Variants in MSRB2 observed in about 807,000 individuals in gnomAD.
The protein encoded by MSRB2 is methionine sulfoxide reductase B2.
Under a neutral mutation model 19.0 loss-of-function variants are expected in MSRB2, and 17 were observed. That is an observed-to-expected ratio of 0.89 (90% confidence interval 0.61 to 1.34). The LOEUF (loss-of-function observed/expected upper bound fraction) is 1.34. Among genes scored for constraint, MSRB2 ranks in the 40% most tolerant of loss-of-function variants. The pLI is 0.00. For missense variants in MSRB2, 208 were observed against 237.6 expected, an observed-to-expected ratio of 0.88 and a Z score of 0.82; for synonymous variants, 107 against 99.7, an observed-to-expected ratio of 1.07 and a Z score of -0.44.
intron 3 of MSRB2, among the ~76,000 whole-genome samples, chr10:23,112,091 C>T (rs180706016): frequency 1.7e-4 from 26 of 152,280 alleles, no homozygotes; most frequent in African/African-American, 5.5e-4. Flanking sequence ...GGAAAACCAG[C>T]CGATTCTCCA....
intron 1 of MSRB2, among the ~76,000 whole-genome samples, chr10:23,097,231 G>A (rs1003661169): frequency 1.3e-5 from 2 of 152,092 alleles, no homozygotes; most frequent in East Asian, 1.9e-4. Flanking sequence ...GAGTATTTCT[G>A]TGGTGAAGGG....
chr10:23,119,496 A>T lies in MSRB2; in HGVS notation c.444+45A>T, dbSNP rs147467791. 7.5e-6 allele frequency: 12 copies of T among 1,596,214 alleles called. 1 individual carries two copies. The South Asian group carries it at 9.0e-5, about 12-fold the overall frequency. On this transcript the variant is annotated intron_variant, in intron 4 of 4. Transcript: ENST00000376510. Reference sequence around the variant, plus strand: ...TTTACTTTCCCTGATGCTGCCCCCAATGCCACAAAGAGCTCTCTTGTTCTT... The same window carrying T: ...TTTACTTTCCCTGATGCTGCCCCCATTGCCACAAAGAGCTCTCTTGTTCTT...
chr10:23,111,738 G>C (rs1296183405), intron 3 of MSRB2, among the ~76,000 whole-genome samples: 4 of 152,084 alleles, frequency 2.6e-5, no homozygotes, highest in African/African-American at 7.2e-5. Flanking sequence ...ACATAAGCTT[G>C]TTAAGCACTC....
chr10:23,109,147 G>C (rs1179350022), intron 2 of MSRB2, among the ~76,000 whole-genome samples: 1 of 152,168 alleles, frequency 6.6e-6, no homozygotes, highest in Non-Finnish European at 1.5e-5. Flanking sequence ...CCTGCCGCCA[G>C]GCCCTGTGAT....
At chr10:23,096,991 G>A (rs959522605) in intron 1 of MSRB2, among the ~76,000 whole-genome samples, 1 of 152,164 alleles carries the variant, frequency 6.6e-6, no homozygotes, top group Non-Finnish European at 1.5e-5. Context: ...AATTTGGCCA[G>A]CCACCAGTAG....
chr10:23,118,336 T>TG (rs1564431907), intron 3 of MSRB2, among the ~76,000 whole-genome samples: 1 of 117,720 alleles, frequency 8.5e-6, no homozygotes, highest in East Asian at 2.3e-4. Flanking sequence ...ATTAGTTTTT[T>TG]GTTTTTTTTT....
In MSRB2 at chr10:23,109,540, CAA is replaced by C. The variant is rs71395829; in HGVS notation, c.220-687_220-686del. The stretch of plus-strand genomic sequence containing the variant: ...CCTGGGTGACAGTGAGACTTCATCT[CAA>C]AAAAAAAAAAAAAATCAAGTTTGAG... On this transcript the variant is annotated intron_variant, in intron 2 of 4. Transcript: ENST00000376510. Among the ~76,000 whole-genome samples, 69 of 138,306 alleles carry C rather than the reference CAA, an allele frequency of 5.0e-4. 1 individual carries two copies. The highest frequency in any genetic ancestry group is 9.3e-4 in the South Asian group (4 of 4,282). 90.7% of individuals were successfully genotyped at this position (138,306 alleles called of 152,430 possible). A position where few individuals can be genotyped will look rare whatever the true frequency, so the allele number is the denominator to read the frequency against.
At chr10:23,109,326 G>C (rs539878166) in intron 2 of MSRB2, among the ~76,000 whole-genome samples, 1 of 152,286 alleles carries the variant, frequency 6.6e-6, no homozygotes, top group South Asian at 2.1e-4. Flanking sequence ...AAGACATGCA[G>C]ATCACTTGAG....
At chr10:23,119,121 CT>C in intron 3 of MSRB2, 182 bp from the exon 4 acceptor site, 1 of 735,180 alleles carries the variant, frequency 1.4e-6, no homozygotes, top group Non-Finnish European at 2.4e-6. Flanking sequence ...GAGGCAATGG[CT>C]TCGATAGTGA....
At chr10:23,111,553 T>G (rs1451064792) in intron 3 of MSRB2, among the ~76,000 whole-genome samples, 1 of 152,200 alleles carries the variant, frequency 6.6e-6, no homozygotes, top group Non-Finnish European at 1.5e-5. Context: ...ATGTTCCGGT[T>G]TCTGCATCTG....
At chr10:23,103,183 CT>C (rs751963119) in intron 1 of MSRB2, among the ~76,000 whole-genome samples, 26 of 152,268 alleles carry the variant, frequency 1.7e-4, no homozygotes, top group Admixed American at 6.5e-4. Flanking sequence ...GGAGATAAGT[CT>C]TTTCTTGCCG....
chr10:23,112,444 A>G (rs1304668282), intron 3 of MSRB2, among the ~76,000 whole-genome samples: 2 of 152,234 alleles, frequency 1.3e-5, no homozygotes, highest in East Asian at 3.8e-4. Flanking sequence ...CCTCACCTGT[A>G]AAATGAAGAT....
chr10:23,114,974 G>A (rs1840095372), intron 3 of MSRB2, among the ~76,000 whole-genome samples: 1 of 152,152 alleles, frequency 6.6e-6, no homozygotes, highest in Non-Finnish European at 1.5e-5. Context: ...ACCAGCCTCT[G>A]AGAGTGATCC....
chr10:23,116,609 T>C (rs916624813), intron 3 of MSRB2, among the ~76,000 whole-genome samples: 1 of 152,192 alleles, frequency 6.6e-6, no homozygotes, highest in Non-Finnish European at 1.5e-5. Flanking sequence ...CCAGAACCAC[T>C]TCATGGTCTT....
intron 2 of MSRB2, among the ~76,000 whole-genome samples, chr10:23,106,445 G>A (rs1839987278): frequency 6.6e-6 from 1 of 152,186 alleles, no homozygotes; most frequent in Non-Finnish European, 1.5e-5. Flanking sequence ...TAGAAGGGAG[G>A]TTTTGTGCAG....
intron 2 of MSRB2, among the ~76,000 whole-genome samples, chr10:23,107,132 C>T (rs566723141): frequency 7.1e-4 from 108 of 152,340 alleles, no homozygotes; most frequent in African/African-American, 2.3e-3. Flanking sequence ...TGATGGAGGT[C>T]GGATTGCCCT....
rs562085724 is a variant in MSRB2, at chr10:23,120,935, C to T, written c.*73C>T. 7.8e-5 allele frequency: 93 copies of T among 1,191,842 alleles called. No individual in the cohort carries two copies. The African/African-American group carries it at 1.3e-3, about 16-fold the overall frequency. The allele number at this position is 1,191,842 out of a possible 1,614,324, so 73.8% of individuals were successfully genotyped here. On this transcript the variant is annotated 3_prime_UTR_variant, in exon 5 of 5. Transcript: ENST00000376510. Reference sequence around the variant, plus strand: ...CAATTTCCACAATTCACTTGAATGACTTGTTTTATTTGCAATAAAACTGGG... The same window carrying T: ...CAATTTCCACAATTCACTTGAATGATTTGTTTTATTTGCAATAAAACTGGG...
rs767702970 is a variant in MSRB2 at position 23,096,352 on chromosome 10, C to CTGTGTGTG, written c.118+640_118+647dup. On this transcript the variant is annotated intron_variant, in intron 1 of 4. Coordinates refer to ENST00000376510, the MANE Select transcript of MSRB2 (RefSeq NM_012228.4). ...TGTGTGTGTGTGTCTCTCTCTCTCT[C>CTGTGTGTG]TGTGTGTGTGTGTGTGTGTGTTTCT... Among the ~76,000 whole-genome samples, 587 of 142,828 alleles carry CTGTGTGTG rather than the reference C, an allele frequency of 4.1e-3. 3 individuals carry two copies. Among genetic ancestry groups the CTGTGTGTG allele is most frequent in the Non-Finnish European group, 4.6e-3 (302 of 66,284 alleles). The allele number at this position is 142,828 out of a possible 152,430, so 93.7% of individuals were successfully genotyped here.
At chr10:23,103,729 G>A (rs954515705) in intron 1 of MSRB2, among the ~76,000 whole-genome samples, 3 of 152,120 alleles carry the variant, frequency 2.0e-5, no homozygotes, top group East Asian at 1.9e-4. Context: ...TTTAATAACC[G>A]ACTAGCTCAC....
Sources: allele counts gnomAD v4.1 joint callset (sites outside exome capture counted in the v4.1 genomes callset), GRCh38; gene constraint gnomAD v4.1.1; transcripts MANE v1.5; gene names NCBI Gene and HGNC (gene_info 2026-07-23, HGNC 2026-07-21).